The following ARB2A variants were observed in gnomAD, a reference collection of about 807,000 sequenced individuals.
The protein encoded by ARB2A is cotranscriptional regulator ARB2A.
chr5:93,662,216 G>A, the ARB2A span, among the ~76,000 whole-genome samples: 1 of 152,100 alleles, frequency 6.6e-6, no homozygotes, highest in Non-Finnish European at 1.5e-5. Flanking sequence ...ATCTTCTTTA[G>A]GAGACAAACT....
At chr5:94,105,512 C>T in the ARB2A span, among the ~76,000 whole-genome samples, 1 of 152,062 alleles carries the variant, frequency 6.6e-6, no homozygotes, top group African/African-American at 2.4e-5. Flanking sequence ...ATATTCCTTA[C>T]TCATGGATAG....
At chr5:93,765,325 C>T in the ARB2A span, among the ~76,000 whole-genome samples, 1 of 152,192 alleles carries the variant, frequency 6.6e-6, no homozygotes, top group Admixed American at 6.5e-5. Flanking sequence ...TCTCCTTAAG[C>T]TGATAGGCAA....
the ARB2A span, among the ~76,000 whole-genome samples, chr5:93,867,414 G>A: frequency 2.2e-4 from 33 of 152,042 alleles, no homozygotes; most frequent in Non-Finnish European, 4.4e-4. Context: ...AGGAAGTTAC[G>A]TTTTATCTTA....
At chr5:93,685,986 A>C in the ARB2A span, among the ~76,000 whole-genome samples, 1 of 152,212 alleles carries the variant, frequency 6.6e-6, no homozygotes, top group African/African-American at 2.4e-5. Context: ...ATCTCCCTCT[A>C]ATATAATAAA....
At chr5:93,874,765 G>A in the ARB2A span, among the ~76,000 whole-genome samples, 1 of 152,062 alleles carries the variant, frequency 6.6e-6, no homozygotes, top group Non-Finnish European at 1.5e-5. Flanking sequence ...TCTTTAGGCA[G>A]ATAATGTTAG....
the ARB2A span, among the ~76,000 whole-genome samples, chr5:93,668,359 C>T: frequency 6.6e-6 from 1 of 152,060 alleles, no homozygotes; most frequent in Admixed American, 6.6e-5. Context: ...CCCAACTCAG[C>T]CTCCAAAAAG....
the ARB2A span, among the ~76,000 whole-genome samples, chr5:93,659,012 T>C: frequency 3.3e-5 from 5 of 152,198 alleles, no homozygotes; most frequent in African/African-American, 1.2e-4. Flanking sequence ...TTTATATGTC[T>C]TCTTGAAGTT....
chr5:93,834,473 TA>T, the ARB2A span, among the ~76,000 whole-genome samples: 1 of 152,214 alleles, frequency 6.6e-6, no homozygotes, highest in African/African-American at 2.4e-5. Flanking sequence ...GCCTTAGTTA[TA>T]AAAAACTCAA....
At chr5:93,996,191 G>A in the ARB2A span, among the ~76,000 whole-genome samples, 142,142 of 152,096 alleles carry the variant, frequency 0.93, 66,516 homozygotes, top group East Asian at 1. Flanking sequence ...CCATATCTAT[G>A]TATGTCTACC....
the ARB2A span, chr5:93,737,829 A>C: frequency 2.4e-6 from 1 of 411,424 alleles, no homozygotes; most frequent in Non-Finnish European, 4.7e-6. Context: ...CGTATACAAA[A>C]ATTAACTTGA....
the ARB2A span, among the ~76,000 whole-genome samples, chr5:93,898,987 T>C: frequency 1.1e-3 from 168 of 152,230 alleles, no homozygotes; most frequent in African/African-American, 3.9e-3. Flanking sequence ...CAGAGTCTAG[T>C]TGGACTCTAG....
chr5:93,730,123 T>C, the ARB2A span, among the ~76,000 whole-genome samples: 1 of 152,164 alleles, frequency 6.6e-6, no homozygotes, highest in Admixed American at 6.6e-5. Flanking sequence ...GAGCATGCCA[T>C]TTCTGGAAAC....
At chr5:94,008,735 T>C in the ARB2A span, among the ~76,000 whole-genome samples, 1,164 of 152,276 alleles carry the variant, frequency 7.6e-3, 9 homozygotes, top group African/African-American at 0.027. Flanking sequence ...TATATCTGTA[T>C]GCTTTTCTTC....
the ARB2A span, among the ~76,000 whole-genome samples, chr5:93,846,023 A>G: frequency 2.0e-5 from 3 of 151,836 alleles, no homozygotes; most frequent in Admixed American, 6.6e-5. Flanking sequence ...ACACACACAC[A>G]CACACACACA....
At chr5:94,005,296 T>C in the ARB2A span, among the ~76,000 whole-genome samples, 3 of 152,200 alleles carry the variant, frequency 2.0e-5, no homozygotes, top group African/African-American at 7.2e-5. Flanking sequence ...CTTTGCCTTT[T>C]GGGTTCAAGC....
At chr5:93,709,493 C>T in the ARB2A span, among the ~76,000 whole-genome samples, 24 of 151,410 alleles carry the variant, frequency 1.6e-4, no homozygotes, top group Non-Finnish European at 2.5e-4. Context: ...ATTAGCTGGG[C>T]GTGGAGGTGT....
At chr5:93,687,784 AT>A in the ARB2A span, among the ~76,000 whole-genome samples, 18 of 151,812 alleles carry the variant, frequency 1.2e-4, no homozygotes, top group Admixed American at 9.8e-4. Context: ...CATCACTTGA[AT>A]TTTTTTTAGA....
chr5:93,863,462 T>C, the ARB2A span: 1 of 151,340 alleles, frequency 6.6e-6, no homozygotes, highest in South Asian at 2.1e-4. Flanking sequence ...GAGAGGAGGG[T>C]ATTGCTATTT....
At chr5:93,810,066 G>T in the ARB2A span, among the ~76,000 whole-genome samples, 1 of 151,976 alleles carries the variant, frequency 6.6e-6, no homozygotes, top group African/African-American at 2.4e-5. Context: ...TAGGTATCAG[G>T]TATGTTGTTT....
Sources: allele counts gnomAD v4.1 joint callset (sites outside exome capture counted in the v4.1 genomes callset), GRCh38; gene constraint gnomAD v4.1.1; transcripts MANE v1.5; gene names NCBI Gene and HGNC (gene_info 2026-07-23, HGNC 2026-07-21).